CNTNAP2: variants seen among roughly 807,000 people sequenced by gnomAD.
CNTNAP2 encodes contactin-associated protein-like 2.
CNTNAP2 carries 98 observed loss-of-function variants against 155.2 expected under a neutral mutation model. That is an observed-to-expected ratio of 0.63 (90% CI 0.54 to 0.75). The LOEUF is 0.75. CNTNAP2 is among the 30% of genes least tolerant of loss of function. The pLI is 0.00. For synonymous variants in CNTNAP2, 651 were observed against 631.2 expected (o/e 1.03, Z -0.47); for missense variants, 1,727 against 1,688.1 (o/e 1.02, Z -0.40).
chr7:148,057,248 C>T (rs1803034858), intron 15 of CNTNAP2, among the ~76,000 whole-genome samples: 1 of 151,902 alleles, frequency 6.6e-6, no homozygotes, highest in African/African-American at 2.4e-5. Context: ...TAGGAGGGTG[C>T]ACAAGTAGCC....
chr7:146,197,233 A>G (rs1476306909), intron 1 of CNTNAP2, among the ~76,000 whole-genome samples: 1 of 152,182 alleles, frequency 6.6e-6, no homozygotes, highest in Non-Finnish European at 1.5e-5. Context: ...CATTGTTATT[A>G]TTCCTCATAG....
At chr7:148,396,943 A>G (rs1799481807) in intron 22 of CNTNAP2, among the ~76,000 whole-genome samples, 1 of 152,260 alleles carries the variant, frequency 6.6e-6, no homozygotes, top group Non-Finnish European at 1.5e-5. Flanking sequence ...TTCCCCTTTA[A>G]ACATGCTAAA....
intron 21 of CNTNAP2, among the ~76,000 whole-genome samples, chr7:148,327,935 G>T (rs1489844857): frequency 2.0e-5 from 3 of 152,000 alleles, no homozygotes; most frequent in African/African-American, 7.2e-5. Flanking sequence ...AGAGTTTACA[G>T]GTAAAATGTC....
intron 1 of CNTNAP2, among the ~76,000 whole-genome samples, chr7:146,639,169 T>C (rs746291472): frequency 1.3e-5 from 2 of 152,248 alleles, no homozygotes; most frequent in African/African-American, 2.4e-5. Flanking sequence ...AGCAACTATA[T>C]GAATATTATA....
chr7:146,594,199 C>T (rs184576603), intron 1 of CNTNAP2, among the ~76,000 whole-genome samples: 1 of 152,222 alleles, frequency 6.6e-6, no homozygotes, highest in Non-Finnish European at 1.5e-5. Context: ...TCTGAGGTCC[C>T]TTTTACCCTA....
At chr7:147,244,652 G>A (rs1804017866) in intron 8 of CNTNAP2, among the ~76,000 whole-genome samples, 1 of 152,226 alleles carries the variant, frequency 6.6e-6, no homozygotes, top group Admixed American at 6.5e-5. Context: ...TAACAAATAG[G>A]TAGATGATAT....
intron 1 of CNTNAP2, among the ~76,000 whole-genome samples, chr7:146,129,368 T>TA (rs1192499622): frequency 1.3e-5 from 2 of 152,322 alleles, no homozygotes; most frequent in East Asian, 3.9e-4. Context: ...TATATGTGTA[T>TA]AATTACAGTA....
chr7:147,455,943 G>C (rs1323997524), intron 10 of CNTNAP2, among the ~76,000 whole-genome samples: 2 of 152,116 alleles, frequency 1.3e-5, no homozygotes, highest in Non-Finnish European at 2.9e-5. Context: ...CTCCAGAGAT[G>C]TTGAAAAGGC....
At chr7:148,367,428 T>C (rs1427789059) in intron 21 of CNTNAP2, among the ~76,000 whole-genome samples, 1 of 152,166 alleles carries the variant, frequency 6.6e-6, no homozygotes, top group Non-Finnish European at 1.5e-5. Flanking sequence ...ATAATATCAT[T>C]ATATTCATCT....
intron 3 of CNTNAP2, among the ~76,000 whole-genome samples, chr7:146,887,955 G>T (rs2129210814): frequency 6.6e-6 from 1 of 152,164 alleles, no homozygotes; most frequent in East Asian, 1.9e-4. Context: ...GGGTTGTTCT[G>T]TATATGTTTA....
At chr7:146,814,306 C>T (rs571027969) in intron 2 of CNTNAP2, among the ~76,000 whole-genome samples, 1 of 152,196 alleles carries the variant, frequency 6.6e-6, no homozygotes, top group African/African-American at 2.4e-5. Flanking sequence ...TAGACCTTTC[C>T]AATCATTAAT....
intron 9 of CNTNAP2, among the ~76,000 whole-genome samples, chr7:147,388,262 C>T (rs1469320846): frequency 1.3e-5 from 2 of 152,152 alleles, no homozygotes; most frequent in Non-Finnish European, 2.9e-5. Context: ...TTGGGCACTT[C>T]ATTACTTTTT....
At chr7:146,119,693 T>C (rs552115903) in intron 1 of CNTNAP2, among the ~76,000 whole-genome samples, 16 of 152,264 alleles carry the variant, frequency 1.1e-4, no homozygotes, top group African/African-American at 3.4e-4. Flanking sequence ...ATTCACTTTT[T>C]AGAGTTAACT....
chr7:147,786,792 A>T (rs1391540367), intron 13 of CNTNAP2, among the ~76,000 whole-genome samples: 4 of 152,054 alleles, frequency 2.6e-5, no homozygotes, highest in Non-Finnish European at 4.4e-5. Context: ...ACACTGCAAG[A>T]CCTCCATCTA....
At chr7:147,990,910 A>G (rs1801700927) in intron 15 of CNTNAP2, among the ~76,000 whole-genome samples, 2 of 152,108 alleles carry the variant, frequency 1.3e-5, no homozygotes. Flanking sequence ...TCCTCCCTGG[A>G]GATCAGGCTG....
intron 14 of CNTNAP2, among the ~76,000 whole-genome samples, chr7:147,961,483 A>T (rs1801119807): frequency 6.6e-6 from 1 of 152,202 alleles, no homozygotes; most frequent in Admixed American, 6.6e-5. Context: ...CATTTTAAGC[A>T]TGGGGCTTGT....
chr7:147,606,794 G>A (rs1452325180), intron 12 of CNTNAP2, among the ~76,000 whole-genome samples: 1 of 152,074 alleles, frequency 6.6e-6, no homozygotes, highest in Non-Finnish European at 1.5e-5. Context: ...GTTTTGGGAA[G>A]TGATTGGTAT....
chr7:146,267,290 A>G (rs1025134472), intron 1 of CNTNAP2, among the ~76,000 whole-genome samples: 1 of 152,124 alleles, frequency 6.6e-6, no homozygotes, highest in Non-Finnish European at 1.5e-5. Flanking sequence ...AACTTGCTCT[A>G]AGTTATACAA....
At chr7:146,346,636 C>T (rs1794822512) in intron 1 of CNTNAP2, among the ~76,000 whole-genome samples, 1 of 152,008 alleles carries the variant, frequency 6.6e-6, no homozygotes, top group Non-Finnish European at 1.5e-5. Flanking sequence ...GAGCAGAGAT[C>T]ACTGCTCTCC....
Sources: gnomAD v4.1 joint callset for allele counts (sites outside exome capture counted in the v4.1 genomes callset) on GRCh38, gnomAD v4.1.1 for gene constraint, MANE v1.5 for transcripts, NCBI Gene and HGNC (gene_info 2026-07-23, HGNC 2026-07-21) for gene names.